Variants in LRP1B observed in about 807,000 individuals in gnomAD.
The protein encoded by LRP1B is low-density lipoprotein receptor-related protein 1B.
LRP1B carries 217 observed loss-of-function variants against 556.6 expected under a neutral mutation model. That is an observed-to-expected ratio of 0.39 (90% CI 0.35 to 0.44). The LOEUF is 0.44. Among genes scored for constraint, LRP1B ranks in the 20% least tolerant of loss-of-function variants. The pLI, the probability that LRP1B is intolerant of heterozygous loss-of-function variation, is 1.00. For synonymous variants in LRP1B, 2,047 were observed against 1,865.8 expected (o/e 1.10, Z -2.50); for missense variants, 5,053 against 5,620.8 (o/e 0.90, Z 3.23).
At chr2:141,728,015 C>T (rs1045109636) in intron 2 of LRP1B, among the ~76,000 whole-genome samples, 1 of 151,936 alleles carries the variant, frequency 6.6e-6, no homozygotes, top group Non-Finnish European at 1.5e-5. Context: ...AAGGACAGTA[C>T]TTTTAGCGCT....
At chr2:140,335,541 C>A in intron 78 of LRP1B, 74 bp downstream of exon 78, 4 of 910,590 alleles carry the variant, frequency 4.4e-6, no homozygotes, top group South Asian at 2.7e-5. Context: ...ATTACAGAGA[C>A]AAAATCTATA....
At position 141,369,753 on chromosome 2, in the gene LRP1B, C is replaced by A. The variant is rs546614925; in HGVS notation, c.343+110643G>T. 3.9e-5 allele frequency among the ~76,000 whole-genome samples: 6 copies of A among 152,182 alleles called. No individual in the cohort carries two copies. In the East Asian group the frequency reaches 1.2e-3, roughly 29 times the overall value. ...GTGAACTCAGGGCATTCAATGTATTCATCACTGAAGCAATGCACATTGTAC... is the reference window on the plus strand; with the variant it reads ...GTGAACTCAGGGCATTCAATGTATTAATCACTGAAGCAATGCACATTGTAC... On this transcript the variant is annotated intron_variant, in intron 3 of 90. Transcript: ENST00000389484.
At chr2:140,780,046 A>G (rs950861515) in intron 32 of LRP1B, among the ~76,000 whole-genome samples, 4 of 151,964 alleles carry the variant, frequency 2.6e-5, no homozygotes, top group Non-Finnish European at 5.9e-5. Flanking sequence ...AAAGAGAAAG[A>G]AAAAAAGGAA....
chr2:141,589,402 T>C (rs1258017558), intron 2 of LRP1B, among the ~76,000 whole-genome samples: 1 of 152,168 alleles, frequency 6.6e-6, no homozygotes, highest in African/African-American at 2.4e-5. Context: ...TTGCCTTTAT[T>C]GTGTTTACCT....
chr2:140,479,318 T>G (rs2105353540), intron 59 of LRP1B, among the ~76,000 whole-genome samples: 1 of 152,220 alleles, frequency 6.6e-6, no homozygotes, highest in South Asian at 2.1e-4. Context: ...TAAAAATGTA[T>G]TATAAATAAT....
chr2:140,969,537 T>C (rs12622921), intron 18 of LRP1B, among the ~76,000 whole-genome samples: 1 of 152,082 alleles, frequency 6.6e-6, no homozygotes, highest in East Asian at 1.9e-4. Context: ...AAGGTTAATA[T>C]TGTTATGTGT....
intron 61 of LRP1B, among the ~76,000 whole-genome samples, chr2:140,456,999 T>A (rs183774711): frequency 3.1e-4 from 47 of 152,222 alleles, no homozygotes; most frequent in African/African-American, 9.9e-4. Flanking sequence ...GCCGGATAGG[T>A]TTTTTTAAGG....
At chr2:141,037,034 T>G (rs1444045207) in intron 11 of LRP1B, among the ~76,000 whole-genome samples, 4 of 152,024 alleles carry the variant, frequency 2.6e-5, no homozygotes. Flanking sequence ...AACCTTTTTT[T>G]GCATCCACCA....
chr2:140,840,339 G>A (rs1230152176), intron 30 of LRP1B, among the ~76,000 whole-genome samples: 1 of 152,092 alleles, frequency 6.6e-6, no homozygotes, highest in Non-Finnish European at 1.5e-5. Flanking sequence ...CTACATACAA[G>A]ACTGAATATT....
At chr2:140,937,720 G>A (rs1396619326) in intron 20 of LRP1B, among the ~76,000 whole-genome samples, 1 of 152,022 alleles carries the variant, frequency 6.6e-6, no homozygotes, top group African/African-American at 2.4e-5. Context: ...TTTTCTATGT[G>A]ATAAGGATTC....
At chr2:140,840,794 CTT>C in intron 30 of LRP1B, 122 bp downstream of exon 30, 1 of 648,632 alleles carries the variant, frequency 1.5e-6, no homozygotes. Context: ...TCCATATTTA[CTT>C]TTTTTTTAAC....
rs111229339 is a variant in LRP1B, at chr2:141,519,946, C to T, written c.206-39413G>A. ...CATTTCCTCTGGTATGAAAGCCCGA[C>T]AATAGGGGAAGAATAAGTAAAATAT... On this transcript the variant is annotated intron_variant, in intron 2 of 90. Transcript: ENST00000389484. Among the ~76,000 whole-genome samples, 696 of 152,104 alleles carry T rather than the reference C, an allele frequency of 4.6e-3. 6 individuals are homozygous for T. The highest frequency in any genetic ancestry group is 7.1e-3 in the Non-Finnish European group (480 of 68,002).
At chr2:141,411,723 G>T (rs1286373745) in intron 3 of LRP1B, among the ~76,000 whole-genome samples, 3 of 151,976 alleles carry the variant, frequency 2.0e-5, no homozygotes, top group Non-Finnish European at 4.4e-5. Flanking sequence ...CTGACTTCCA[G>T]TGTCAAAAAT....
rs2105028272 is a variant in LRP1B at position 142,130,776 on chromosome 2, A to C, written c.-47T>G. On this transcript the variant is annotated 5_prime_UTR_variant, in exon 1 of 91. Transcript: ENST00000389484. ...CCTGCGCTGGAGACTGCTCGGCGGCACCTTCGGCCCGGCGGCGGCGGCGGC... is the reference window on the plus strand; with the variant it reads ...CCTGCGCTGGAGACTGCTCGGCGGCCCCTTCGGCCCGGCGGCGGCGGCGGC... 6.5e-7 allele frequency: 1 copy of C among 1,540,540 alleles called. No homozygotes were observed.
chr2:141,873,618 A>C (rs1411712622), intron 1 of LRP1B, among the ~76,000 whole-genome samples: 1 of 151,990 alleles, frequency 6.6e-6, no homozygotes, highest in African/African-American at 2.4e-5. Context: ...GGAAATAAGA[A>C]TACTATAATA....
chr2:141,143,848 T>C (rs960243859), intron 7 of LRP1B, among the ~76,000 whole-genome samples: 2 of 148,238 alleles, frequency 1.3e-5, no homozygotes, highest in Admixed American at 6.8e-5. Flanking sequence ...TTTTTTTTTT[T>C]CCAGGGGATC....
intron 2 of LRP1B, among the ~76,000 whole-genome samples, chr2:141,542,332 A>T (rs1402482546): frequency 3.9e-5 from 6 of 151,992 alleles, no homozygotes; most frequent in African/African-American, 1.4e-4. Context: ...GCTTTCTATG[A>T]TTTTTAATGT....
At chr2:141,523,632 C>CCCTT (rs1488295233) in intron 2 of LRP1B, among the ~76,000 whole-genome samples, 1 of 151,966 alleles carries the variant, frequency 6.6e-6, no homozygotes, top group African/African-American at 2.4e-5. Context: ...TTCAAAATTC[C>CCCTT]CCTTCCTTTT....
intron 1 of LRP1B, among the ~76,000 whole-genome samples, chr2:142,110,941 G>A (rs947251279): frequency 1.3e-5 from 2 of 152,110 alleles, no homozygotes; most frequent in African/African-American, 4.8e-5. Flanking sequence ...AGGCAACTTT[G>A]GACAAATGCA....
Sources: allele counts gnomAD v4.1 joint callset (sites outside exome capture counted in the v4.1 genomes callset), GRCh38; gene constraint gnomAD v4.1.1; transcripts MANE v1.5; gene names NCBI Gene and HGNC (gene_info 2026-07-23, HGNC 2026-07-21).